The following CDK14 variants were observed in gnomAD, a reference collection of about 807,000 sequenced individuals.
CDK14 encodes the protein cyclin dependent kinase 14.
Under a neutral mutation model 60.7 loss-of-function variants are expected in CDK14, and 34 were observed. The observed-to-expected ratio is 0.56, with a 90% CI of 0.43 to 0.75. The LOEUF (loss-of-function observed/expected upper bound fraction) is 0.75, where lower values mean the gene tolerates loss of function less well. Ranked by LOEUF, CDK14 falls within the 30% of genes least tolerant of loss-of-function variation. CDK14 has a pLI of 0.00. For synonymous variants in CDK14, 197 were observed against 203.7 expected (o/e 0.97, Z 0.28); for missense variants, 482 against 564.1 (o/e 0.85, Z 1.47).
chr7:91,059,284 T>C (rs924197688), intron 11 of CDK14, among the ~76,000 whole-genome samples: 1 of 152,184 alleles, frequency 6.6e-6, no homozygotes, highest in African/African-American at 2.4e-5. Context: ...ATCTATTTGA[T>C]TCTTCTCTCT....
chr7:90,936,558 T>A (rs893352348), intron 8 of CDK14, among the ~76,000 whole-genome samples: 10 of 152,192 alleles, frequency 6.6e-5, no homozygotes, highest in African/African-American at 1.7e-4. Flanking sequence ...GTTATGAGAT[T>A]CTGTTAGTAG....
intron 10 of CDK14, among the ~76,000 whole-genome samples, chr7:91,004,796 T>A (rs1795934663): frequency 6.6e-6 from 1 of 152,256 alleles, no homozygotes; most frequent in Non-Finnish European, 1.5e-5. Context: ...AGAAGTTTCC[T>A]GTACCAATCA....
intron 14 of CDK14, among the ~76,000 whole-genome samples, chr7:91,142,751 A>G (rs886814974): frequency 2.1e-4 from 32 of 152,234 alleles, no homozygotes; most frequent in African/African-American, 7.7e-4. Flanking sequence ...AAAGTGAAAT[A>G]TGTGCATATA....
intron 14 of CDK14, among the ~76,000 whole-genome samples, chr7:91,171,583 T>G (rs2518783): frequency 0.96 from 146,826 of 152,284 alleles, 70,805 homozygotes; most frequent in East Asian, 1. Flanking sequence ...AGGCCAAACT[T>G]CTCTGCTCAG....
intron 14 of CDK14, among the ~76,000 whole-genome samples, chr7:91,204,884 G>C (rs1802837621): frequency 6.6e-6 from 1 of 151,850 alleles, no homozygotes; most frequent in Non-Finnish European, 1.5e-5. Flanking sequence ...GAAGGTCAAG[G>C]CTGCAGTGAG....
chr7:91,094,255 T>G (rs189016233), intron 12 of CDK14, among the ~76,000 whole-genome samples: 1 of 152,334 alleles, frequency 6.6e-6, no homozygotes, highest in Admixed American at 6.5e-5. Flanking sequence ...TCCTCTTTAC[T>G]TCATGTTTTT....
In CDK14 at chr7:91,118,141, C is replaced by A. The variant is rs957033108; in HGVS notation, c.1371C>A (p.Asn457Lys). The A allele has an allele frequency of 1.7e-5, 28 of 1,613,424 alleles. 1 individual carries two copies. Among genetic ancestry groups the A allele is most frequent in the Non-Finnish European group, 2.4e-5 (28 of 1,179,544 alleles). Residue 457 changes from asparagine (N) to lysine (K), a missense_variant, in exon 14 of 15, where the codon AAC (asparagine) becomes AAA (lysine). Asn to Lys is a moderately conservative substitution (Grantham distance 94). Coordinates refer to ENST00000380050, the MANE Select transcript of CDK14 (RefSeq NM_001287135.2). ...AGESMRAFGK[N>K]NSYGKSLSNS... The stretch of plus-strand genomic sequence containing the variant: ...AAAGCATGCGGGCCTTTGGGAAAAA[C>A]AATAGTTATGGCAAAAGTCTATCAA...
intron 5 of CDK14, among the ~76,000 whole-genome samples, chr7:90,808,920 A>G (rs1465002124): frequency 1.3e-5 from 2 of 152,208 alleles, no homozygotes; most frequent in Non-Finnish European, 2.9e-5. Flanking sequence ...AGAAGAGCTA[A>G]TTATCCTAAA....
At chr7:91,108,186 T>C (rs1014831892) in intron 12 of CDK14, among the ~76,000 whole-genome samples, 3 of 152,198 alleles carry the variant, frequency 2.0e-5, no homozygotes, top group Non-Finnish European at 4.4e-5. Context: ...CGCAAGCCTG[T>C]ACTCTCAGCC....
chr7:90,923,407 C>A (rs1793313647), intron 8 of CDK14, among the ~76,000 whole-genome samples: 1 of 152,120 alleles, frequency 6.6e-6, no homozygotes, highest in Admixed American at 6.5e-5. Flanking sequence ...CCATGCCTGG[C>A]CCAACATCTT....
At chr7:90,612,790 A>T (rs965093855) in intron 2 of CDK14, among the ~76,000 whole-genome samples, 4 of 151,630 alleles carry the variant, frequency 2.6e-5, no homozygotes, top group African/African-American at 7.3e-5. Flanking sequence ...AAAAAAAAAA[A>T]AAAGATTTTA....
At chr7:90,773,906 T>TTC (rs1554334005) in intron 4 of CDK14, among the ~76,000 whole-genome samples, 1 of 81,562 alleles carries the variant, frequency 1.2e-5, no homozygotes, top group Non-Finnish European at 2.6e-5. Context: ...TTTCTTTCTT[T>TTC]TTTTTTTTTT....
intron 10 of CDK14, among the ~76,000 whole-genome samples, chr7:91,022,360 T>C (rs1020497240): frequency 6.6e-6 from 1 of 152,222 alleles, no homozygotes; most frequent in Non-Finnish European, 1.5e-5. Context: ...CTGTGCGTTG[T>C]AGGATATTTA....
intron 5 of CDK14, among the ~76,000 whole-genome samples, chr7:90,793,466 AAG>A (rs1337697406): frequency 6.6e-6 from 1 of 152,224 alleles, no homozygotes; most frequent in Non-Finnish European, 1.5e-5. Context: ...AATTAGGCAT[AAG>A]ATAGAAAAAC....
rs565855565 is a variant in CDK14 at position 90,987,410 on chromosome 7, A to G, written c.1041+3169A>G. Among the ~76,000 whole-genome samples, 5 of 152,174 alleles carry G rather than the reference A, an allele frequency of 3.3e-5. No homozygotes were observed. In the East Asian group the frequency reaches 9.6e-4, roughly 29 times the overall value. On this transcript the variant is annotated intron_variant, in intron 10 of 14. Transcript: ENST00000380050. ...CTTTCATTTACTGTAGTTATTTTAC[A>G]TGTCTAATGCCTCTTACAATAAAAT...
At chr7:90,750,068 C>T (rs1196741833) in intron 4 of CDK14, among the ~76,000 whole-genome samples, 2 of 151,012 alleles carry the variant, frequency 1.3e-5, no homozygotes, top group South Asian at 2.1e-4. Flanking sequence ...ATGCATAGGG[C>T]TATAGAAGCA....
intron 2 of CDK14, among the ~76,000 whole-genome samples, chr7:90,662,013 T>C (rs1452880614): frequency 3.3e-5 from 5 of 152,162 alleles, no homozygotes; most frequent in Non-Finnish European, 7.3e-5. Context: ...TAAAAACAAT[T>C]ATATTTCAAC....
chr7:90,998,439 T>C (rs1353236590), intron 10 of CDK14, among the ~76,000 whole-genome samples: 1 of 152,226 alleles, frequency 6.6e-6, no homozygotes, highest in African/African-American at 2.4e-5. Context: ...GAATTTCATC[T>C]TCTGTCAGTG....
chr7:90,914,005 A>G (rs1403318001), intron 7 of CDK14, among the ~76,000 whole-genome samples: 1 of 152,072 alleles, frequency 6.6e-6, no homozygotes, highest in African/African-American at 2.4e-5. Context: ...AAGTTTTCTA[A>G]TGGTTTTCAG....
Sources: allele counts gnomAD v4.1 joint callset (sites outside exome capture counted in the v4.1 genomes callset), GRCh38; gene constraint gnomAD v4.1.1; transcripts MANE v1.5; gene names NCBI Gene and HGNC (gene_info 2026-07-23, HGNC 2026-07-21).